The following FOXN3 variants were observed in gnomAD, a reference collection of about 807,000 sequenced individuals.
FOXN3 encodes forkhead box protein N3.
A neutral mutation model predicts 38.4 loss-of-function variants in FOXN3; 7 were observed. That is an observed-to-expected ratio of 0.18 (90% CI 0.10 to 0.34). FOXN3 has a LOEUF of 0.34. Ranked by LOEUF, FOXN3 falls within the 10% of genes least tolerant of loss-of-function variation. The probability of loss-of-function intolerance (pLI) is 1.00; values close to 1 mark genes in which losing one functional copy is unlikely to be tolerated. For synonymous variants in FOXN3, 230 were observed against 242.2 expected (o/e 0.95, Z 0.47); for missense variants, 456 against 613.4 (o/e 0.74, Z 2.71).
intron 1 of FOXN3, among the ~76,000 whole-genome samples, chr14:89,611,306 C>A (rs1218127886): frequency 6.6e-6 from 1 of 152,194 alleles, no homozygotes; most frequent in African/African-American, 2.4e-5. Context: ...TATCTTAACA[C>A]CTGAGTTTGT....
intron 4 of FOXN3, among the ~76,000 whole-genome samples, chr14:89,247,141 T>G (rs1451145533): frequency 1.3e-5 from 2 of 152,120 alleles, no homozygotes; most frequent in East Asian, 1.9e-4. Flanking sequence ...CATCCATCCA[T>G]CCCTCCATCT....
intron 1 of FOXN3, among the ~76,000 whole-genome samples, chr14:89,569,455 G>A (rs1050693290): frequency 5.3e-4 from 81 of 152,280 alleles, no homozygotes; most frequent in African/African-American, 1.7e-3. Flanking sequence ...TAAAGGAAAT[G>A]CTGCTTCCTC....
At chr14:89,516,291 A>G (rs385562) in intron 1 of FOXN3, among the ~76,000 whole-genome samples, 83,114 of 151,460 alleles carry the variant, frequency 0.55, 23,250 homozygotes, top group Middle Eastern at 0.6. Flanking sequence ...CTGCTTTCTC[A>G]GTTACTTTAA....
chr14:89,389,444 C>T (rs1890876379), intron 2 of FOXN3, among the ~76,000 whole-genome samples: 1 of 152,180 alleles, frequency 6.6e-6, no homozygotes, highest in African/African-American at 2.4e-5. Flanking sequence ...CCACAAGCGC[C>T]CAATCAAGAC....
At chr14:89,565,185 T>C (rs368650015) in intron 1 of FOXN3, among the ~76,000 whole-genome samples, 11 of 147,582 alleles carry the variant, frequency 7.5e-5, no homozygotes, top group African/African-American at 2.5e-4. Flanking sequence ...GAGACTGGGG[T>C]TATGCTACCC....
At chr14:89,193,045 G>C (rs1016042558) in intron 4 of FOXN3, among the ~76,000 whole-genome samples, 1 of 151,864 alleles carries the variant, frequency 6.6e-6, no homozygotes, top group African/African-American at 2.4e-5. Context: ...CTTGCCCCTC[G>C]TTTTAGAAAG....
intron 4 of FOXN3, among the ~76,000 whole-genome samples, chr14:89,260,901 T>C (rs1484153129): frequency 2.0e-5 from 3 of 152,238 alleles, no homozygotes; most frequent in Non-Finnish European, 2.9e-5. Flanking sequence ...ATTTTTATTA[T>C]GGCAAGTATA....
At chr14:89,592,535 G>A (rs377073218) in intron 1 of FOXN3, among the ~76,000 whole-genome samples, 8 of 152,282 alleles carry the variant, frequency 5.3e-5, no homozygotes, top group African/African-American at 1.9e-4. Flanking sequence ...CATCAAAATG[G>A]TAGATGGACT....
In FOXN3 at chr14:89,461,412, C is replaced by T. The variant is rs190722659; in HGVS notation, c.-14-48922G>A. ...AGAATGTATGCACCACCAGAATATA[C>T]GCACCAGGAGAAGAGGGAACCCTGC... On this transcript the variant is annotated intron_variant, in intron 1 of 6. Transcript: ENST00000345097. 1.3e-4 allele frequency among the ~76,000 whole-genome samples: 20 copies of T among 152,056 alleles called. No homozygotes were observed. The East Asian group carries it at 3.7e-3, about 28-fold the overall frequency.
At chr14:89,189,881 C>T (rs552586701) in intron 4 of FOXN3, among the ~76,000 whole-genome samples, 14 of 152,292 alleles carry the variant, frequency 9.2e-5, no homozygotes, top group South Asian at 2.1e-4. Flanking sequence ...AAGCTGGTAG[C>T]GTGGTTTCAT....
intron 4 of FOXN3, among the ~76,000 whole-genome samples, chr14:89,256,639 T>C (rs1444884923): frequency 6.6e-6 from 1 of 152,184 alleles, no homozygotes; most frequent in East Asian, 1.9e-4. Context: ...TCTGATCCCT[T>C]CTGACTCTTC....
intron 4 of FOXN3, among the ~76,000 whole-genome samples, chr14:89,216,081 C>T (rs10139217): frequency 6.6e-6 from 1 of 152,220 alleles, no homozygotes; most frequent in Non-Finnish European, 1.5e-5. Context: ...AGTCCAGTGC[C>T]CTATGGGGCT....
intron 1 of FOXN3, among the ~76,000 whole-genome samples, chr14:89,558,864 T>C (rs1165395255): frequency 6.6e-6 from 1 of 152,116 alleles, no homozygotes; most frequent in Non-Finnish European, 1.5e-5. Context: ...CTGATTGTTA[T>C]TAGCTGACTG....
At chr14:89,203,750 G>T (rs916625369) in intron 4 of FOXN3, among the ~76,000 whole-genome samples, 4 of 152,114 alleles carry the variant, frequency 2.6e-5, no homozygotes, top group African/African-American at 9.7e-5. Flanking sequence ...CGCTCCCAGG[G>T]CTCCTTACTT....
intron 3 of FOXN3, among the ~76,000 whole-genome samples, chr14:89,331,257 G>A (rs538476673): frequency 6.6e-6 from 1 of 152,060 alleles, no homozygotes; most frequent in Non-Finnish European, 1.5e-5. Context: ...CTGTCTCTAT[G>A]TTATTTGTCT....
intron 1 of FOXN3, among the ~76,000 whole-genome samples, chr14:89,443,849 A>C (rs903657717): frequency 6.6e-6 from 1 of 152,042 alleles, no homozygotes; most frequent in Non-Finnish European, 1.5e-5. Context: ...GTCTCTACTA[A>C]AAATACAAAA....
chr14:89,368,008 C>T (rs1890206584), intron 2 of FOXN3, among the ~76,000 whole-genome samples: 1 of 152,190 alleles, frequency 6.6e-6, no homozygotes, highest in African/African-American at 2.4e-5. Context: ...GTGTGTCTAC[C>T]TCAGAAACTG....
At chr14:89,416,137 GCA>G (rs1891712982) in intron 1 of FOXN3, among the ~76,000 whole-genome samples, 1 of 152,046 alleles carries the variant, frequency 6.6e-6, no homozygotes, top group South Asian at 2.1e-4. Flanking sequence ...GCGCGCGCGC[GCA>G]CGCACGCGCT....
intron 1 of FOXN3, among the ~76,000 whole-genome samples, chr14:89,588,919 T>C (rs996057619): frequency 6.6e-6 from 1 of 152,186 alleles, no homozygotes; most frequent in African/African-American, 2.4e-5. Flanking sequence ...ACTTCTAGCC[T>C]GGAATTTTGT....
Sources: gnomAD v4.1 joint callset for allele counts (sites outside exome capture counted in the v4.1 genomes callset) on GRCh38, gnomAD v4.1.1 for gene constraint, MANE v1.5 for transcripts, NCBI Gene and HGNC (gene_info 2026-07-23, HGNC 2026-07-21) for gene names.